The following BOLL variants were observed in gnomAD, a reference collection of about 807,000 sequenced individuals.
The protein encoded by BOLL is boule RNA binding protein.
Under a neutral mutation model 44.4 loss-of-function variants are expected in BOLL, and 23 were observed. The ratio of observed to expected loss-of-function variants is 0.52; its 90% confidence interval spans 0.37 to 0.73. The LOEUF (loss-of-function observed/expected upper bound fraction) is 0.73. BOLL is among the 30% of genes least tolerant of loss of function. The pLI is 0.00. For synonymous variants in BOLL, 97 were observed against 110.8 expected (o/e 0.88, Z 0.78); for missense variants, 287 against 338.3 (o/e 0.85, Z 1.19).
intron 7 of BOLL, among the ~76,000 whole-genome samples, chr2:197,766,208 G>A (rs1451392994): frequency 6.6e-6 from 1 of 152,038 alleles, no homozygotes; most frequent in African/African-American, 2.4e-5. Flanking sequence ...CCCAGTAACG[G>A]GTCTAATGGT....
At chr2:197,764,478 T>TA (rs968516246) in intron 7 of BOLL, among the ~76,000 whole-genome samples, 3 of 152,174 alleles carry the variant, frequency 2.0e-5, no homozygotes, top group Non-Finnish European at 4.4e-5. Flanking sequence ...ATATGGAAGC[T>TA]AAAAAACACT....
At chr2:197,771,796 C>A (rs1689276474) in intron 6 of BOLL, 59 bp downstream of exon 6, 2 of 1,433,646 alleles carry the variant, frequency 1.4e-6, no homozygotes, top group South Asian at 1.4e-5. Context: ...AGAAATATAA[C>A]AAACATTAAA....
intron 2 of BOLL, 32 bp downstream of exon 2, chr2:197,781,682 TAATGAAAA>T: frequency 7.0e-7 from 1 of 1,431,242 alleles, no homozygotes. Flanking sequence ...TAAAGACTTC[TAATGAAAA>T]AATACACTTT....
At chr2:197,744,000 G>A (rs73054811) in intron 9 of BOLL, among the ~76,000 whole-genome samples, 29,365 of 151,838 alleles carry the variant, frequency 0.19, 2,901 homozygotes, top group East Asian at 0.27. Flanking sequence ...TAGTAGAGAC[G>A]GGGTTTCACC....
chr2:197,777,188 A>T, intron 3 of BOLL, 75 bp from the exon 4 acceptor site: 1 of 1,091,332 alleles, frequency 9.2e-7, no homozygotes. Flanking sequence ...AAATGTTTAA[A>T]AATTTTGTTT....
intron 10 of BOLL, among the ~76,000 whole-genome samples, chr2:197,733,807 T>C (rs1202094969): frequency 6.6e-6 from 1 of 152,076 alleles, no homozygotes; most frequent in African/African-American, 2.4e-5. Flanking sequence ...ACACAAGAAT[T>C]AATTCAAGAT....
intron 7 of BOLL, among the ~76,000 whole-genome samples, chr2:197,758,129 C>A (rs1243614994): frequency 6.6e-6 from 1 of 152,102 alleles, no homozygotes; most frequent in Non-Finnish European, 1.5e-5. Context: ...TACCGTATGA[C>A]CCAGCAATTC....
rs1689288780 is a variant in BOLL, at chr2:197,771,973, A to G, written c.362T>C (p.Ile121Thr). The G allele has an allele frequency of 6.4e-7, 1 of 1,570,214 alleles. No homozygotes were observed. Among genetic ancestry groups the G allele is most frequent in the South Asian group, 1.2e-5 (1 of 83,924 alleles). The change falls in exon 6 of 11, where the codon ATA becomes ACA. Residue 121 changes from isoleucine (I) to threonine (T), a missense_variant. Transcript: ENST00000392296. ...KQQVGIPRSSIMPAAGTMYLT... is the reference protein window; with the variant it reads ...KQQVGIPRSSTMPAAGTMYLT... ...ATACATTGTTCCAGCTGCTGGCATT[A>G]TACTAGAACCTAAAGCAAAGATTAA...
intron 7 of BOLL, chr2:197,759,060 T>A: frequency 7.1e-7 from 1 of 1,404,140 alleles, no homozygotes; most frequent in Non-Finnish European, 9.7e-7. Flanking sequence ...CAGAGATGCC[T>A]AGCATTCATT....
intron 10 of BOLL, among the ~76,000 whole-genome samples, chr2:197,735,097 G>C (rs1246558079): frequency 1.3e-5 from 2 of 151,964 alleles, no homozygotes; most frequent in African/African-American, 4.8e-5. Flanking sequence ...TACATTTGAG[G>C]TAAAAGTTAC....
At chr2:197,785,606 C>A (rs544183678), upstream of BOLL, among the ~76,000 whole-genome samples, 1 of 152,190 alleles carries the variant, frequency 6.6e-6, no homozygotes, top group Non-Finnish European at 1.5e-5. This position sits in a 1 kb window ranked among gnomAD's most constrained non-coding sequence, Gnocchi z 6.7. Flanking sequence ...GCGGCTGGGT[C>A]GAGTTCGGCC....
chr2:197,778,939 T>C, intron 3 of BOLL, 36 bp downstream of exon 3: 3 of 1,537,950 alleles, frequency 2.0e-6, no homozygotes, highest in Non-Finnish European at 2.7e-6. Context: ...GAAAATAGAG[T>C]TGCTAATTCC....
chr2:197,781,486 G>A (rs1416290580), intron 2 of BOLL, among the ~76,000 whole-genome samples: 1 of 152,098 alleles, frequency 6.6e-6, no homozygotes, highest in Non-Finnish European at 1.5e-5. Flanking sequence ...GTCACTATGT[G>A]GCTAGCAGCC....
At chr2:197,747,796 T>G (rs981182631) in intron 9 of BOLL, among the ~76,000 whole-genome samples, 1 of 152,132 alleles carries the variant, frequency 6.6e-6, no homozygotes, top group East Asian at 1.9e-4. Flanking sequence ...AAACATACCA[T>G]GCACATGGTA....
chr2:197,747,870 A>G (rs910035850), intron 9 of BOLL, among the ~76,000 whole-genome samples: 1 of 152,192 alleles, frequency 6.6e-6, no homozygotes, highest in African/African-American at 2.4e-5. Flanking sequence ...CATATTTACA[A>G]CCATCTGATT....
At chr2:197,776,177 G>A (rs949561053) in intron 4 of BOLL, among the ~76,000 whole-genome samples, 3 of 151,794 alleles carry the variant, frequency 2.0e-5, no homozygotes, top group African/African-American at 7.3e-5. Context: ...TTTCTATTTA[G>A]TGCCATGTTT....
In BOLL at chr2:197,743,177, A is replaced by G. The variant is rs1439192999; in HGVS notation, c.730-18T>C. 1 of 1,527,620 alleles carries G rather than the reference A, an allele frequency of 6.5e-7. No individual in the cohort carries two copies. Among genetic ancestry groups the G allele is most frequent in the South Asian group, 1.2e-5 (1 of 81,458 alleles). 94.6% of individuals were successfully genotyped at this position (1,527,620 alleles called of 1,614,324 possible). A position where few individuals can be genotyped will look rare whatever the true frequency, so the allele number is the denominator to read the frequency against. On this transcript the variant is annotated intron_variant, in intron 9 of 10. Transcript: ENST00000392296. ...GAATAAGGCTATTACAAAAAAAGAG[A>G]GAAAAAATGTCACCTTTCATCTATT... is the stretch of plus-strand genomic sequence containing the variant.
chr2:197,778,878 G>C lies in BOLL; in HGVS notation c.221+97C>G, dbSNP rs886799893. ...GAAAGAAGAGGGCATGATGGTCTCT[G>C]CTGGAAAATGGAACCAAAGTAAACT... On this transcript the variant is annotated intron_variant, in intron 3 of 10. Coordinates refer to ENST00000392296, the MANE Select transcript of BOLL (RefSeq NM_033030.6). 3.0e-6 allele frequency: 3 copies of C among 986,532 alleles called. No individual in the cohort carries two copies. In the Admixed American group the frequency reaches 7.0e-5, roughly 23 times the overall value. The allele number at this position is 986,532 out of a possible 1,614,324, so 61.1% of individuals were successfully genotyped here.
chr2:197,737,065 C>A (rs1574805446), intron 10 of BOLL, among the ~76,000 whole-genome samples: 1 of 152,186 alleles, frequency 6.6e-6, no homozygotes, highest in East Asian at 1.9e-4. Flanking sequence ...TATTTTCTTA[C>A]ACTAGCCAGC....
Sources: allele counts gnomAD v4.1 joint callset (sites outside exome capture counted in the v4.1 genomes callset), GRCh38; gene constraint gnomAD v4.1.1; non-coding constraint Gnocchi (gnomAD v3.1); transcripts MANE v1.5; gene names NCBI Gene and HGNC (gene_info 2026-07-23, HGNC 2026-07-21).